Variants in GNG7 observed in about 807,000 individuals in gnomAD.
The protein encoded by GNG7 is G protein subunit gamma 7.
A neutral mutation model predicts 4.0 loss-of-function variants in GNG7; 1 was observed. That is an observed-to-expected ratio of 0.25 (90% CI 0.09 to 1.18). The LOEUF (loss-of-function observed/expected upper bound fraction) is 1.18. Ranked by LOEUF, GNG7 falls within the 50% of genes most tolerant of loss-of-function variation. GNG7 has a pLI of 0.50. For synonymous variants in GNG7, 34 were observed against 36.9 expected (o/e 0.92, Z 0.29); for missense variants, 86 against 91.9 (o/e 0.94, Z 0.26).
rs967468360 is a variant in GNG7 at position 2,626,279 on chromosome 19, C to T, written c.-78+19945G>A. ...CCCTGCCCCAAACCAGCCTGACCAG[C>T]GGCACCGTGGAAACCCACCGGGATC... On this transcript the variant is annotated intron_variant, in intron 2 of 4. Transcript: ENST00000382159. The surrounding 1 kb of genome is among the most constrained non-coding windows in gnomAD (Gnocchi z 5.0). 5.9e-5 allele frequency among the ~76,000 whole-genome samples: 9 copies of T among 152,124 alleles called. No individual in the cohort carries two copies. Among genetic ancestry groups the T allele is most frequent in the South Asian group, 2.1e-4 (1 of 4,820 alleles).
chr19:2,546,526 C>T lies in GNG7; in HGVS notation c.-38+8623G>A, dbSNP rs926453682. ...TGTCCCTGTCAGTGTGGGCCCTTTGCTCTCAGGCTAAATCGGTCCCCGGGG... is the reference window on the plus strand; with the variant it reads ...TGTCCCTGTCAGTGTGGGCCCTTTGTTCTCAGGCTAAATCGGTCCCCGGGG... On this transcript the variant is annotated intron_variant, in intron 3 of 4. Transcript: ENST00000382159. This position sits in a 1 kb window ranked among gnomAD's most constrained non-coding sequence, Gnocchi z 6.3. 2.0e-5 allele frequency among the ~76,000 whole-genome samples: 3 copies of T among 152,224 alleles called. No homozygotes were observed. Among genetic ancestry groups the T allele is most frequent in the Admixed American group, 2.0e-4 (3 of 15,280 alleles).
At position 2,597,868 on chromosome 19, in the gene GNG7, C is replaced by T. The variant is rs530531445; in HGVS notation, c.-77-42680G>A. The stretch of plus-strand genomic sequence containing the variant: ...CCGAGATTGCGCCACTGCACTCCAG[C>T]CTGGGCAACAGAGTGAGACTCTGTT... On this transcript the variant is annotated intron_variant, in intron 2 of 4. Coordinates refer to ENST00000382159, the MANE Select transcript of GNG7 (RefSeq NM_052847.3). Among the ~76,000 whole-genome samples, 14 of 148,634 alleles carry T rather than the reference C, an allele frequency of 9.4e-5. No homozygotes were observed. The East Asian group carries it at 1.4e-3, about 15-fold the overall frequency.
At chr19:2,623,162 CA>C (rs1191658092) in intron 2 of GNG7, among the ~76,000 whole-genome samples, 3 of 151,994 alleles carry the variant, frequency 2.0e-5, no homozygotes, top group African/African-American at 7.3e-5. Flanking sequence ...CCCATCTCTA[CA>C]AAAAAATAAT....
intron 2 of GNG7, among the ~76,000 whole-genome samples, chr19:2,590,485 TCATC>T (rs755259874): frequency 1.0e-3 from 135 of 131,950 alleles, no homozygotes; most frequent in Middle Eastern, 4.0e-3. Flanking sequence ...ACCCATCTGT[TCATC>T]CATCCATCCA....
chr19:2,512,487 G>T lies in GNG7; in HGVS notation c.*2535C>A. The T allele has an allele frequency of 2.2e-6, 1 of 455,062 alleles. No homozygotes were observed. Among genetic ancestry groups the T allele is most frequent in the Non-Finnish European group, 2.9e-6 (1 of 345,174 alleles). 28.2% of individuals were successfully genotyped at this position (455,062 alleles called of 1,614,324 possible). A position where few individuals can be genotyped will look rare whatever the true frequency, so the allele number is the denominator to read the frequency against. On this transcript the variant is annotated 3_prime_UTR_variant, in exon 5 of 5. Transcript: ENST00000382159. This position sits in a 1 kb window ranked among gnomAD's most constrained non-coding sequence, Gnocchi z 4.7. Reference sequence around the variant, plus strand: ...CAGCTCAGGGAACCCAAGGCCCTGTGGACAGTGAAGGAGAGGCCAGCCTGT... The same window carrying T: ...CAGCTCAGGGAACCCAAGGCCCTGTTGACAGTGAAGGAGAGGCCAGCCTGT...
intron 1 of GNG7, among the ~76,000 whole-genome samples, chr19:2,689,176 A>G (rs370064063): frequency 1.3e-5 from 2 of 148,372 alleles, no homozygotes; most frequent in East Asian, 4.0e-4. Context: ...TAAGAAAAAA[A>G]TAAACAAAAA....
intron 3 of GNG7, among the ~76,000 whole-genome samples, chr19:2,544,536 C>T (rs993797127): frequency 6.6e-6 from 1 of 152,160 alleles, no homozygotes; most frequent in African/African-American, 2.4e-5. Flanking sequence ...AGGCGCCCCC[C>T]ACCCCCACCA....
At chr19:2,687,183 G>C (rs1017872982) in intron 1 of GNG7, among the ~76,000 whole-genome samples, 1 of 151,760 alleles carries the variant, frequency 6.6e-6, no homozygotes, top group African/African-American at 2.4e-5. Context: ...TCGGACTCCC[G>C]AGTAGCTGGG....
chr19:2,661,280 A>AAGAGAGAGAGAGAGAGAG, intron 1 of GNG7, among the ~76,000 whole-genome samples: 1 of 58,932 alleles, frequency 1.7e-5, no homozygotes, highest in South Asian at 6.5e-4. Context: ...AAAAGAAAGA[A>AAGAGAGAGAGAGAGAGAG]AGAAAGAAAG....
chr19:2,520,585 T>A, intron 4 of GNG7, 23 bp downstream of exon 4: 1 of 1,440,504 alleles, frequency 6.9e-7, no homozygotes, highest in Non-Finnish European at 9.6e-7. Context: ...TCCCCTCCTC[T>A]TCCTGATGCC....
chr19:2,652,445 G>C (rs945678390), intron 1 of GNG7, among the ~76,000 whole-genome samples: 2 of 151,754 alleles, frequency 1.3e-5, no homozygotes, highest in African/African-American at 4.8e-5. Flanking sequence ...CATGGTGAAA[G>C]CCCGTCTCTA....
At chr19:2,588,790 G>A (rs1458792645) in intron 2 of GNG7, among the ~76,000 whole-genome samples, 1 of 152,122 alleles carries the variant, frequency 6.6e-6, no homozygotes, top group African/African-American at 2.4e-5. Context: ...ACCCCACCAG[G>A]TGGTCATCTT....
intron 2 of GNG7, among the ~76,000 whole-genome samples, chr19:2,586,128 G>A (rs943354035): frequency 1.3e-5 from 2 of 152,172 alleles, no homozygotes; most frequent in African/African-American, 4.8e-5. Context: ...GATGAAAAAC[G>A]GAACTCTCAC....
intron 1 of GNG7, among the ~76,000 whole-genome samples, chr19:2,680,626 A>G (rs1221949153): frequency 7.2e-6 from 1 of 139,734 alleles, no homozygotes; most frequent in Non-Finnish European, 1.5e-5. Context: ...CCCAGGCTGG[A>G]ATGCAATGGT....
At chr19:2,566,848 A>C (rs562174785) in intron 2 of GNG7, among the ~76,000 whole-genome samples, 8 of 152,264 alleles carry the variant, frequency 5.3e-5, no homozygotes, top group African/African-American at 1.9e-4. Context: ...CAAGCCTGTA[A>C]TCCCAGCACT....
rs2144720403 is a variant in GNG7, at chr19:2,513,343, C to T, written c.*1679G>A. On this transcript the variant is annotated 3_prime_UTR_variant, in exon 5 of 5. Coordinates refer to ENST00000382159, the MANE Select transcript of GNG7 (RefSeq NM_052847.3). Reference sequence around the variant, plus strand: ...TAGGCTAGTTTTATTCTACTACTTGCTTCTAGGCCAGCCCCGTGGAGGGGG... The same window carrying T: ...TAGGCTAGTTTTATTCTACTACTTGTTTCTAGGCCAGCCCCGTGGAGGGGG... 1 of 353,288 alleles carries T rather than the reference C, an allele frequency of 2.8e-6. No homozygotes were observed. Among genetic ancestry groups the T allele is most frequent in the East Asian group, 1.7e-4 (1 of 6,032 alleles). The allele number at this position is 353,288 out of a possible 1,614,324, so 21.9% of individuals were successfully genotyped here. A position where few individuals can be genotyped will look rare whatever the true frequency, so the allele number is the denominator to read the frequency against.
At chr19:2,594,856 G>C (rs1013696516) in intron 2 of GNG7, among the ~76,000 whole-genome samples, 4 of 151,912 alleles carry the variant, frequency 2.6e-5, no homozygotes, top group Non-Finnish European at 5.9e-5. Context: ...GGTGGCTCAC[G>C]TCTGTAATCC....
At position 2,512,037 on chromosome 19, in the gene GNG7, A is replaced by C. The variant is rs534505646; in HGVS notation, c.*2985T>G. 3.0e-6 allele frequency: 3 copies of C among 985,846 alleles called. No homozygotes were observed. The highest frequency in any genetic ancestry group is 5.2e-4 in the Middle Eastern group (1 of 1,916). The allele number at this position is 985,846 out of a possible 1,614,324, so 61.1% of individuals were successfully genotyped here. A position where few individuals can be genotyped will look rare whatever the true frequency, so the allele number is the denominator to read the frequency against. On this transcript the variant is annotated 3_prime_UTR_variant, in exon 5 of 5. Coordinates refer to ENST00000382159, the MANE Select transcript of GNG7 (RefSeq NM_052847.3). This position sits in a 1 kb window ranked among gnomAD's most constrained non-coding sequence, Gnocchi z 4.7. ...AAGGCCCGTGGGAGACCCAGGCTAC[A>C]GAAGGAGAAACGGCCTTCTCTCTCC...
At chr19:2,555,593 T>G (rs183739247) in intron 2 of GNG7, among the ~76,000 whole-genome samples, 1 of 152,096 alleles carries the variant, frequency 6.6e-6, no homozygotes, top group African/African-American at 2.4e-5. Context: ...ATTTCTACTT[T>G]TATGTAAGCC....
Sources: allele counts gnomAD v4.1 joint callset (sites outside exome capture counted in the v4.1 genomes callset), GRCh38; gene constraint gnomAD v4.1.1; non-coding constraint Gnocchi (gnomAD v3.1); transcripts MANE v1.5; gene names NCBI Gene and HGNC (gene_info 2026-07-23, HGNC 2026-07-21).